The following LRGUK variants were observed in gnomAD, a reference collection of about 807,000 sequenced individuals.
LRGUK encodes the protein leucine-rich repeat and guanylate kinase domain-containing protein.
Under a neutral mutation model 76.0 loss-of-function variants are expected in LRGUK, and 65 were observed. The ratio of observed to expected loss-of-function variants is 0.85; its 90% CI spans 0.70 to 1.05. LRGUK has a LOEUF of 1.05. Ranked by LOEUF, LRGUK falls within the 50% of genes least tolerant of loss-of-function variation. The pLI, the probability that LRGUK is intolerant of heterozygous loss-of-function variation, is 0.00. For synonymous variants in LRGUK, 268 were observed against 265.6 expected (o/e 1.01, Z -0.09); for missense variants, 758 against 732.8 (o/e 1.03, Z -0.40).
intron 16 of LRGUK, among the ~76,000 whole-genome samples, chr7:134,241,173 T>C (rs1176351633): frequency 6.6e-6 from 1 of 152,180 alleles, no homozygotes; most frequent in Non-Finnish European, 1.5e-5. Flanking sequence ...GTTAACATCA[T>C]AATTACAGGA....
chr7:134,268,970 A>T (rs1452720963), downstream of LRGUK, among the ~76,000 whole-genome samples: 4 of 151,742 alleles, frequency 2.6e-5, no homozygotes, highest in Non-Finnish European at 4.4e-5. Flanking sequence ...TGACTTTGTG[A>T]TCCTCCCGTC....
At chr7:134,261,021 T>G (rs964030389) in intron 19 of LRGUK, among the ~76,000 whole-genome samples, 1 of 152,174 alleles carries the variant, frequency 6.6e-6, no homozygotes, top group Non-Finnish European at 1.5e-5. Flanking sequence ...TGAGTGTGGC[T>G]TTTCCTGGAC....
At chr7:134,159,484 G>A (rs1043506332) in intron 6 of LRGUK, among the ~76,000 whole-genome samples, 11 of 151,966 alleles carry the variant, frequency 7.2e-5, no homozygotes, top group African/African-American at 2.2e-4. Flanking sequence ...CTTAGAGCTC[G>A]AAGTGCTTTC....
At chr7:134,128,144 G>A (rs1483612030) in intron 1 of LRGUK, among the ~76,000 whole-genome samples, 1 of 150,162 alleles carries the variant, frequency 6.7e-6, no homozygotes, top group Admixed American at 6.6e-5. Context: ...TTTTGAAAGT[G>A]CTTCTTCAAA....
intron 14 of LRGUK, 141 bp from the exon 15 acceptor site, chr7:134,201,340 T>C (rs1800760190): frequency 1.6e-6 from 1 of 641,886 alleles, no homozygotes; most frequent in African/African-American, 1.8e-5. Context: ...AGGTGATGTG[T>C]CCTTAGGGTC....
At chr7:134,227,285 C>T (rs1456774056) in intron 16 of LRGUK, among the ~76,000 whole-genome samples, 8 of 152,032 alleles carry the variant, frequency 5.3e-5, no homozygotes, top group Non-Finnish European at 5.9e-5. Flanking sequence ...ACTTAGCGAA[C>T]GATGCTTTCT....
intron 1 of LRGUK, among the ~76,000 whole-genome samples, chr7:134,135,816 C>T (rs766314896): frequency 3.3e-5 from 5 of 152,162 alleles, no homozygotes; most frequent in African/African-American, 1.2e-4. Flanking sequence ...CCACCACATC[C>T]GGCTAATTTT....
rs372786653 is a variant in LRGUK, at chr7:134,243,201, C to T, written c.1984-4355C>T. Among the ~76,000 whole-genome samples the T allele has an allele frequency of 9.2e-5, 14 of 152,184 alleles. No homozygotes were observed. The East Asian group carries it at 2.5e-3, about 27-fold the overall frequency. On this transcript the variant is annotated intron_variant, in intron 16 of 19. Transcript: ENST00000285928. ...TCAACATAGTGTTGGAAGTTCTGGC[C>T]AGGGCAATCAGGCAGGAGAAAGAAA...
intron 11 of LRGUK, among the ~76,000 whole-genome samples, chr7:134,187,534 TAAC>T (rs1344827123): frequency 6.6e-6 from 1 of 152,242 alleles, no homozygotes; most frequent in African/African-American, 2.4e-5. Context: ...CTCAGTCACA[TAAC>T]AAATATTGGT....
intron 10 of LRGUK, among the ~76,000 whole-genome samples, chr7:134,179,343 G>A (rs1325370658): frequency 1.3e-5 from 2 of 152,248 alleles, no homozygotes; most frequent in East Asian, 1.9e-4. Flanking sequence ...AATACCCAAA[G>A]GCATTTTAAA....
intron 7 of LRGUK, among the ~76,000 whole-genome samples, chr7:134,169,194 A>G (rs1025998502): frequency 7.6e-6 from 1 of 131,708 alleles, no homozygotes. Context: ...ACACACACAC[A>G]CTGAAGGCCA....
At chr7:134,203,921 T>A in intron 15 of LRGUK, among the ~76,000 whole-genome samples, 1 of 152,226 alleles carries the variant, frequency 6.6e-6, no homozygotes. Flanking sequence ...AACCTTCTGA[T>A]CTTTAATTTG....
downstream of LRGUK, among the ~76,000 whole-genome samples, chr7:134,212,389 G>C (rs1333747868): frequency 6.6e-6 from 1 of 152,198 alleles, no homozygotes; most frequent in Non-Finnish European, 1.5e-5. Flanking sequence ...ATGCTAAACT[G>C]TATTTGGTAT....
exon 14 of LRGUK, chr7:134,199,319 T>C: frequency 1.2e-6 from 2 of 1,613,868 alleles, no homozygotes; most frequent in South Asian, 2.2e-5. Context: ...GAGAAAAGGA[T>C]TATTCAGTCG....
At chr7:134,198,377 A>G (rs1013960484) in intron 13 of LRGUK, among the ~76,000 whole-genome samples, 3 of 152,260 alleles carry the variant, frequency 2.0e-5, no homozygotes, top group African/African-American at 4.8e-5. Flanking sequence ...GGTTGAGTCT[A>G]TAATCCATGC....
At chr7:134,175,971 T>A (rs1799461643) in intron 8 of LRGUK, among the ~76,000 whole-genome samples, 1 of 152,198 alleles carries the variant, frequency 6.6e-6, no homozygotes, top group African/African-American at 2.4e-5. Flanking sequence ...TAAAGTTTCA[T>A]TATTTGCAGA....
chr7:134,173,227 A>G (rs1243763356), intron 7 of LRGUK, among the ~76,000 whole-genome samples: 1 of 152,234 alleles, frequency 6.6e-6, no homozygotes, highest in East Asian at 1.9e-4. Context: ...TTCAGGTTGT[A>G]GATTGCAACT....
At chr7:134,264,002 A>G (rs747237759) in exon 20 of LRGUK, 4 of 1,585,480 alleles carry the variant, frequency 2.5e-6, no homozygotes, top group Non-Finnish European at 2.6e-6. Flanking sequence ...TGATCCTAAC[A>G]TGGAAAACCT....
intron 11 of LRGUK, among the ~76,000 whole-genome samples, chr7:134,189,020 A>G (rs996828525): frequency 1.1e-4 from 16 of 152,090 alleles, no homozygotes; most frequent in African/African-American, 3.4e-4. Context: ...TGGCTTTCCA[A>G]TTCCTTTTCC....
Sources: gnomAD v4.1 joint callset for allele counts (sites outside exome capture counted in the v4.1 genomes callset) on GRCh38, gnomAD v4.1.1 for gene constraint, MANE v1.5 for transcripts, NCBI Gene and HGNC (gene_info 2026-07-23, HGNC 2026-07-21) for gene names.